METTL4: variants seen among roughly 807,000 people sequenced by gnomAD.
METTL4 encodes N(6)-adenine-specific methyltransferase METTL4.
In METTL4, 40 loss-of-function variants were observed where a neutral mutation model predicts 54.0. That is an observed-to-expected ratio of 0.74 (90% CI 0.58 to 0.96). METTL4 has a LOEUF of 0.96. METTL4 is among the 50% of genes least tolerant of loss of function. The pLI is 0.00. For missense variants in METTL4, 525 were observed against 549.0 expected (o/e 0.96, Z 0.44); for synonymous variants, 169 against 183.8 (o/e 0.92, Z 0.65).
rs1309705474 is a variant in METTL4, at chr18:2,557,035, AGAAATC to A, written c.460-2003_460-1998del. ...GGACAGTAGCCCTAAGCAATGGGAA[AGAAATC>A]GATAGCCCCAGCAAATTGCCTGGAG... On this transcript the variant is annotated intron_variant, in intron 3 of 8. Coordinates refer to ENST00000574538, the MANE Select transcript of METTL4 (RefSeq NM_022840.5). Among the ~76,000 whole-genome samples the A allele has an allele frequency of 2.0e-5, 3 of 152,334 alleles. No individual in the cohort carries two copies. The South Asian group carries it at 6.2e-4, about 32-fold the overall frequency.
Position 2,547,258 on chromosome 18 carries a change from A to C in METTL4, c.1074+97T>G, listed in dbSNP as rs1021172483. The C allele has an allele frequency of 3.3e-6, 3 of 902,190 alleles. No homozygotes were observed. The Admixed American group carries it at 8.7e-5, about 26-fold the overall frequency. The allele number at this position is 902,190 out of a possible 1,614,324, so 55.9% of individuals were successfully genotyped here. A position where few individuals can be genotyped will look rare whatever the true frequency, so the allele number is the denominator to read the frequency against. On this transcript the variant is annotated intron_variant, in intron 6 of 8. Coordinates refer to ENST00000574538, the MANE Select transcript of METTL4 (RefSeq NM_022840.5). ...AGTCTGAATTAGCCCATGTTGAAGG[A>C]GTACAGCAGTGACATGTTGAGCATT...
At chr18:2,539,813 GA>G in intron 8 of METTL4, 1 of 930,988 alleles carries the variant, frequency 1.1e-6, no homozygotes, top group Non-Finnish European at 1.3e-6. Context: ...ACCCATACAT[GA>G]AAAAGAGCTC....
Position 2,554,812 on chromosome 18 carries a change from G to A in METTL4, c.686C>T (p.Thr229Ile), listed in dbSNP as rs530285541. 37 of 1,613,842 alleles carry A rather than the reference G, an allele frequency of 2.3e-5. No individual in the cohort carries two copies. The African/African-American group carries it at 3.2e-4, about 14-fold the overall frequency. The change falls in exon 4 of 9, where the codon ACA becomes ATA. Residue 229 changes from threonine to isoleucine, a missense_variant. Coordinates refer to ENST00000574538, the MANE Select transcript of METTL4 (RefSeq NM_022840.5). ...AACTCGCAAAAATAAATCCTGTTCT[G>A]TAACAGATGTATCCTCTTCCACCAA... Reference protein sequence around the residue: ...LQLVEEDTSVTEQDLFLRVVE... With the variant: ...LQLVEEDTSVIEQDLFLRVVE...
rs1302964377 is a variant in METTL4, at chr18:2,566,976, T to C, written c.241A>G (p.Met81Val). Residue 81 changes from methionine (M) to valine (V), a missense_variant, in exon 2 of 9, where the codon ATG (methionine) becomes GTG (valine). By Grantham distance (21) the Met-to-Val change is conservative (BLOSUM62 1). Coordinates refer to ENST00000574538, the MANE Select transcript of METTL4 (RefSeq NM_022840.5). ...CGAAAAACAAATTTTCGTGTGAACA[T>C]TTCATAATTTCCTCCATCATCATTC... The part of the protein sequence containing the change: ...PENDDGGNYE[M>V]FTRKFVFRPE... The C allele has an allele frequency of 6.2e-7, 1 of 1,614,158 alleles. No homozygotes were observed. The highest frequency in any genetic ancestry group is 8.5e-7 in the Non-Finnish European group (1 of 1,180,016).
chr18:2,554,580 G>A, intron 4 of METTL4, 89 bp downstream of exon 4: 1 of 1,185,988 alleles, frequency 8.4e-7, no homozygotes, highest in Admixed American at 2.2e-5. Context: ...CATAAATGCT[G>A]ACCCATCTTC....
intron 2 of METTL4, 133 bp from the exon 3 acceptor site, chr18:2,563,992 TC>T: frequency 1.8e-6 from 1 of 562,610 alleles, no homozygotes; most frequent in Non-Finnish European, 3.1e-6. Context: ...TCTACTGAGG[TC>T]AAAATCAATG....
intron 4 of METTL4, chr18:2,553,919 C>T (rs1042143792): frequency 4.6e-5 from 7 of 152,134 alleles, no homozygotes; most frequent in Admixed American, 4.6e-4. Context: ...TGGATAACCA[C>T]TCAAGTGTAA....
Position 2,554,804 on chromosome 18 carries a change from C to T in METTL4, c.694G>A (p.Asp232Asn). 1.2e-6 allele frequency: 2 copies of T among 1,613,826 alleles called. No homozygotes were observed. The highest frequency in any genetic ancestry group is 1.7e-6 in the Non-Finnish European group (2 of 1,179,870). Reference sequence around the variant, plus strand: ...TTTTCAACAACTCGCAAAAATAAATCCTGTTCTGTAACAGATGTATCCTCT... The same window carrying T: ...TTTTCAACAACTCGCAAAAATAAATTCTGTTCTGTAACAGATGTATCCTCT... ...VEEDTSVTEQ[D>N]LFLRVVENNS... is the part of the protein sequence containing the mutation. The change falls in exon 4 of 9, where the codon GAT becomes AAT. Residue 232 changes from aspartate to asparagine, a missense_variant. Asp to Asn is a conservative substitution (Grantham distance 23). Transcript: ENST00000574538.
rs1451867079 is a variant in METTL4 at position 2,567,074 on chromosome 18, A to G, written c.143T>C (p.Leu48Pro). ...AGAGGAGGACACAGAATCCATTTGA[A>G]GAGACTCAAAGTGAACAGAAGTAGT... The part of the protein sequence containing the change: ...EFTTSVHFES[L>P]QMDSVSSSGV... The change falls in exon 2 of 9, where the codon CTT becomes CCT. Residue 48 changes from leucine (L) to proline (P), a missense_variant. Coordinates refer to ENST00000574538, the MANE Select transcript of METTL4 (RefSeq NM_022840.5). The G allele has an allele frequency of 6.2e-7, 1 of 1,614,218 alleles. No homozygotes were observed. The highest frequency in any genetic ancestry group is 1.7e-5 in the Admixed American group (1 of 60,030).
chr18:2,561,276 G>C (rs775663708), intron 3 of METTL4: 2 of 152,086 alleles, frequency 1.3e-5, no homozygotes, highest in South Asian at 2.1e-4. Flanking sequence ...AATTGGAAAG[G>C]TATAAGTAAA....
rs761314805 is a variant in METTL4, at chr18:2,567,078, A to G, written c.139T>C (p.Ser47Pro). The change falls in exon 2 of 9, where the codon TCT (serine) becomes CCT (proline). Residue 47 changes from serine to proline, a missense_variant. By Grantham distance (74) the Ser-to-Pro change is moderately conservative. Coordinates refer to ENST00000574538, the MANE Select transcript of METTL4 (RefSeq NM_022840.5). The stretch of plus-strand genomic sequence containing the variant: ...GAGGACACAGAATCCATTTGAAGAG[A>G]CTCAAAGTGAACAGAAGTAGTGAAC... Reference protein sequence around the residue: ...KEFTTSVHFESLQMDSVSSSG... With the variant: ...KEFTTSVHFEPLQMDSVSSSG... The G allele has an allele frequency of 6.2e-7, 1 of 1,614,174 alleles. No individual in the cohort carries two copies. The highest frequency in any genetic ancestry group is 2.2e-5 in the East Asian group (1 of 44,868).
At chr18:2,552,991 G>C (rs1413195595) in intron 4 of METTL4, 2 of 452,268 alleles carry the variant, frequency 4.4e-6, no homozygotes, top group African/African-American at 4.0e-5. Flanking sequence ...TGCAATTGTT[G>C]CAGAGACTAT....
chr18:2,555,843 T>TA (rs33960748), intron 3 of METTL4, among the ~76,000 whole-genome samples: 143 of 143,140 alleles, frequency 1.0e-3, no homozygotes, highest in Middle Eastern at 3.5e-3. Context: ...TTGGTATGTT[T>TA]AAAAAAAAAA....
intron 2 of METTL4, among the ~76,000 whole-genome samples, chr18:2,565,619 C>G (rs536263065): frequency 1.3e-5 from 2 of 152,152 alleles, no homozygotes; most frequent in Non-Finnish European, 2.9e-5. Context: ...TAATTCTCAA[C>G]AAACTTTCGT....
intron 2 of METTL4, 30 bp from the exon 3 acceptor site, chr18:2,563,889 GT>G: frequency 6.5e-7 from 1 of 1,532,230 alleles, no homozygotes; most frequent in Non-Finnish European, 8.9e-7. Flanking sequence ...CAGGGGAAAA[GT>G]TATGTTGCCA....
chr18:2,542,051 A>C (rs1303991928), intron 8 of METTL4, among the ~76,000 whole-genome samples: 1 of 152,190 alleles, frequency 6.6e-6, no homozygotes, highest in Non-Finnish European at 1.5e-5. Flanking sequence ...TTTTATATAT[A>C]TATGGAGTTA....
intron 3 of METTL4, among the ~76,000 whole-genome samples, 196 bp downstream of exon 3, chr18:2,563,600 CA>C (rs67428228): frequency 5.1e-5 from 5 of 97,808 alleles, no homozygotes; most frequent in Middle Eastern, 6.3e-3. Flanking sequence ...GACTCTGCCT[CA>C]AAAAAAAAAA....
intron 4 of METTL4, chr18:2,553,677 T>G (rs148420020): frequency 6.6e-6 from 1 of 152,314 alleles, no homozygotes; most frequent in East Asian, 1.9e-4. Context: ...AATTTTACTG[T>G]AAGGAAGAGC....
intron 2 of METTL4, among the ~76,000 whole-genome samples, chr18:2,564,931 C>T (rs1167974175): frequency 6.6e-6 from 1 of 152,096 alleles, no homozygotes; most frequent in Non-Finnish European, 1.5e-5. Flanking sequence ...AGACCTCGGA[C>T]AATGCTAAAT....
Sources: allele counts gnomAD v4.1 joint callset (sites outside exome capture counted in the v4.1 genomes callset), GRCh38; gene constraint gnomAD v4.1.1; transcripts MANE v1.5; gene names NCBI Gene and HGNC (gene_info 2026-07-23, HGNC 2026-07-21).